ARL15: variants seen among roughly 807,000 people sequenced by gnomAD.
ARL15 encodes ARF like GTPase 15.
ARL15 carries 19 observed loss-of-function variants against 25.2 expected under a neutral mutation model. The ratio of observed to expected loss-of-function variants is 0.75; its 90% CI spans 0.53 to 1.10. ARL15 has a LOEUF of 1.10. Ranked by LOEUF, ARL15 falls within the 50% of genes least tolerant of loss-of-function variation. The probability of loss-of-function intolerance (pLI) is 0.00; values close to 1 mark genes in which losing one functional copy is unlikely to be tolerated. For synonymous variants in ARL15, 94 were observed against 86.8 expected (o/e 1.08, Z -0.46); for missense variants, 220 against 246.0 (o/e 0.89, Z 0.71).
At chr5:54,117,909 A>G (rs1359536962) in intron 3 of ARL15, among the ~76,000 whole-genome samples, 1 of 152,228 alleles carries the variant, frequency 6.6e-6, no homozygotes, top group Non-Finnish European at 1.5e-5. Flanking sequence ...GTTTTAAGTG[A>G]GCCTGACAGC....
chr5:54,183,136 G>T lies in ARL15; in HGVS notation c.49-11208C>A, dbSNP rs369022539. On this transcript the variant is annotated intron_variant, in intron 1 of 4. Transcript: ENST00000504924. ...TTCCTCTTTTCCTAATTGAATACCC[G>T]TTATTTCCTTCTCCTGCCTTATTGC... 6.5e-4 allele frequency among the ~76,000 whole-genome samples: 76 copies of T among 116,950 alleles called. 4 individuals carry two copies. The highest frequency in any genetic ancestry group is 1.6e-3 in the Admixed American group (18 of 11,118). 76.7% of individuals were successfully genotyped at this position (116,950 alleles called of 152,430 possible).
Position 53,884,577 on chromosome 5 carries a change from GT to G in ARL15, c.*1983del, listed in dbSNP as rs1235865441. On this transcript the variant is annotated 3_prime_UTR_variant, in exon 5 of 5. Transcript: ENST00000504924. ...CAGAAACTTGTCAAAAACAGCTGTT[GT>G]TGGGTACTGATTGATAATGTTTTCA... The G allele has an allele frequency of 6.6e-6, 1 of 152,080 alleles. No homozygotes were observed. Among genetic ancestry groups the G allele is most frequent in the Non-Finnish European group, 1.5e-5 (1 of 68,034 alleles). 9.4% of individuals were successfully genotyped at this position (152,080 alleles called of 1,614,324 possible).
At chr5:54,061,279 A>G (rs1034786415) in intron 4 of ARL15, among the ~76,000 whole-genome samples, 2 of 152,120 alleles carry the variant, frequency 1.3e-5, no homozygotes, top group Admixed American at 1.3e-4. Context: ...CACAGCTTCC[A>G]TGTGGTGTTG....
At chr5:53,961,695 A>G (rs1352211530) in intron 4 of ARL15, among the ~76,000 whole-genome samples, 2 of 152,164 alleles carry the variant, frequency 1.3e-5, no homozygotes, top group Non-Finnish European at 2.9e-5. Flanking sequence ...CCAACAGTAG[A>G]GAAAGGCATG....
chr5:54,021,030 T>C (rs1291432755), intron 4 of ARL15, among the ~76,000 whole-genome samples: 1 of 151,322 alleles, frequency 6.6e-6, no homozygotes, highest in Admixed American at 6.6e-5. Flanking sequence ...GGATTTAAAA[T>C]CAGCCATCAT....
At chr5:53,910,633 TTATATATATATATATATATATA>T (rs70986649) in intron 4 of ARL15, among the ~76,000 whole-genome samples, 11 of 55,004 alleles carry the variant, frequency 2.0e-4, no homozygotes, top group African/African-American at 6.7e-4. Flanking sequence ...TAAAAAAAAA[TTATATATATATATATATATATA>T]TATATATATA....
chr5:54,236,612 G>C (rs1322510413), intron 1 of ARL15, among the ~76,000 whole-genome samples: 1 of 152,144 alleles, frequency 6.6e-6, no homozygotes, highest in Non-Finnish European at 1.5e-5. Flanking sequence ...GAGCAGACTG[G>C]CCAAAAATAA....
chr5:54,204,718 T>G (rs1755817480), intron 1 of ARL15, among the ~76,000 whole-genome samples: 1 of 152,188 alleles, frequency 6.6e-6, no homozygotes, highest in Non-Finnish European at 1.5e-5. Flanking sequence ...AGTTGATGCT[T>G]AAAAGCACAC....
intron 4 of ARL15, among the ~76,000 whole-genome samples, chr5:53,912,950 G>A (rs1357921642): frequency 1.3e-5 from 2 of 152,154 alleles, no homozygotes; most frequent in Admixed American, 6.6e-5. Context: ...TTAGACAATG[G>A]CATAAAGTAC....
intron 3 of ARL15, among the ~76,000 whole-genome samples, chr5:54,151,647 T>C (rs992251400): frequency 1.3e-5 from 2 of 152,058 alleles, no homozygotes; most frequent in Non-Finnish European, 2.9e-5. Context: ...AATAATAATT[T>C]TTATAAGTAA....
At chr5:54,276,640 T>C (rs1297706153) in intron 1 of ARL15, among the ~76,000 whole-genome samples, 1 of 152,098 alleles carries the variant, frequency 6.6e-6, no homozygotes, top group Non-Finnish European at 1.5e-5. Context: ...ACTGTGAATA[T>C]GTTATCTTAC....
intron 4 of ARL15, among the ~76,000 whole-genome samples, chr5:53,981,437 T>C (rs1748115189): frequency 6.6e-6 from 1 of 152,190 alleles, no homozygotes; most frequent in South Asian, 2.1e-4. Flanking sequence ...TGCCTGAGTC[T>C]TTCTGGGAGC....
chr5:53,889,882 G>A (rs946410926), intron 4 of ARL15, among the ~76,000 whole-genome samples: 5 of 148,388 alleles, frequency 3.4e-5, no homozygotes, highest in African/African-American at 1.0e-4. Flanking sequence ...GCGCAGTCTC[G>A]GCTCACTGCA....
At chr5:54,242,448 G>A (rs1201750008) in intron 1 of ARL15, among the ~76,000 whole-genome samples, 1 of 152,120 alleles carries the variant, frequency 6.6e-6, no homozygotes, top group Non-Finnish European at 1.5e-5. Context: ...ATGGATGTAG[G>A]CCTGGCCAAT....
chr5:54,234,179 G>C (rs1280944306), intron 1 of ARL15, among the ~76,000 whole-genome samples: 1 of 151,928 alleles, frequency 6.6e-6, no homozygotes, highest in African/African-American at 2.4e-5. Flanking sequence ...TATTTTTGTA[G>C]AGATGGGGTT....
intron 1 of ARL15, among the ~76,000 whole-genome samples, chr5:54,190,831 A>G (rs181916): frequency 0.42 from 64,121 of 152,038 alleles, 14,292 homozygotes; most frequent in African/African-American, 0.5. Context: ...GATATGGAGA[A>G]ATTAGAACCC....
chr5:54,263,109 GT>G (rs1369629944), intron 1 of ARL15, among the ~76,000 whole-genome samples: 3 of 151,892 alleles, frequency 2.0e-5, no homozygotes, highest in South Asian at 2.1e-4. Context: ...ATATTTTAGA[GT>G]TTTTTTCTTT....
intron 4 of ARL15, among the ~76,000 whole-genome samples, chr5:54,044,854 T>C (rs959655491): frequency 2.0e-5 from 3 of 152,202 alleles, no homozygotes. Flanking sequence ...TTTGACAAAA[T>C]TTTATTTTAA....
chr5:54,148,808 T>A (rs1753984698), intron 3 of ARL15, among the ~76,000 whole-genome samples: 1 of 152,172 alleles, frequency 6.6e-6, no homozygotes, highest in Non-Finnish European at 1.5e-5. Flanking sequence ...GGTTACAGAA[T>A]TCAGTTAGGG....
Sources: allele counts gnomAD v4.1 joint callset (sites outside exome capture counted in the v4.1 genomes callset), GRCh38; gene constraint gnomAD v4.1.1; transcripts MANE v1.5; gene names NCBI Gene and HGNC (gene_info 2026-07-23, HGNC 2026-07-21).